Variants in C5AR1 observed in about 807,000 individuals in gnomAD.
C5AR1 encodes the protein complement C5a receptor 1, also known as C5a anaphylatoxin chemotactic receptor 1.
Under a neutral mutation model 2.4 loss-of-function variants are expected in C5AR1, and 4 were observed. That is an observed-to-expected ratio of 1.65 (90% CI 0.81 to 3.77). The LOEUF is 3.77. C5AR1 is among the 30% of genes most tolerant of loss of function. C5AR1 has a pLI of 0.01. For synonymous variants in C5AR1, 209 were observed against 210.4 expected, an observed-to-expected ratio of 0.99 and a Z score of 0.06; for missense variants, 418 against 462.5, an observed-to-expected ratio of 0.90 and a Z score of 0.88.
In C5AR1 at chr19:47,319,670, C is replaced by A. The variant is rs568020878; in HGVS notation, c.4-111C>A. On this transcript the variant is annotated intron_variant, in intron 1 of 1. Transcript: ENST00000355085. ...TCTCAGCCCTCAGCATCCCCATTTC[C>A]TAGTGAGAAAAAGCCACACAGGGGA... is the stretch of plus-strand genomic sequence containing the variant. 1.1e-5 allele frequency: 8 copies of A among 700,050 alleles called. No individual in the cohort carries two copies. The African/African-American group carries it at 1.4e-4, about 12-fold the overall frequency. 43.4% of individuals were successfully genotyped at this position (700,050 alleles called of 1,614,324 possible).
chr19:47,309,572 C>CA (rs35475766), upstream of C5AR1, among the ~76,000 whole-genome samples: 1,926 of 96,854 alleles, frequency 0.02, 47 homozygotes, highest in African/African-American at 0.051. Flanking sequence ...AAGACTCTAT[C>CA]AAAAAAAAAA....
chr19:47,311,557 G>A (rs1005522258), intron 1 of C5AR1, among the ~76,000 whole-genome samples: 1 of 151,814 alleles, frequency 6.6e-6, no homozygotes, highest in African/African-American at 2.4e-5. Flanking sequence ...CAGAGCCTCT[G>A]ACTCCTTTTC....
chr19:47,314,206 C>G (rs2059279166), intron 1 of C5AR1, among the ~76,000 whole-genome samples: 1 of 152,044 alleles, frequency 6.6e-6, no homozygotes, highest in African/African-American at 2.4e-5. Context: ...GTACCCTGCC[C>G]TTTGTGCTAT....
chr19:47,315,532 G>A (rs1487492793), intron 1 of C5AR1, among the ~76,000 whole-genome samples: 1 of 152,164 alleles, frequency 6.6e-6, no homozygotes, highest in African/African-American at 2.4e-5. Context: ...GTCAAGGATT[G>A]CTGGGAGCTT....
chr19:47,317,076 C>G (rs992492647), intron 1 of C5AR1, among the ~76,000 whole-genome samples: 1 of 150,850 alleles, frequency 6.6e-6, no homozygotes, highest in Non-Finnish European at 1.5e-5. Flanking sequence ...AATTGTAGTC[C>G]TAGCTACTCA....
At chr19:47,310,033 C>A in intron 1 of C5AR1, 135 bp downstream of exon 1, 1 of 845,204 alleles carries the variant, frequency 1.2e-6, no homozygotes, top group East Asian at 2.9e-5. Context: ...CTCTCCCTGT[C>A]TTCCACCTCC....
At chr19:47,310,386 C>T (rs755059363) in intron 1 of C5AR1, among the ~76,000 whole-genome samples, 2 of 152,048 alleles carry the variant, frequency 1.3e-5, no homozygotes, top group Non-Finnish European at 2.9e-5. Context: ...GTGAAGAAAT[C>T]TAGAACAGGC....
rs2059312365 is a variant in C5AR1 at position 47,322,005 on chromosome 19, T to G, written c.*1175T>G. On this transcript the variant is annotated 3_prime_UTR_variant, in exon 2 of 2. Coordinates refer to ENST00000355085, the MANE Select transcript of C5AR1 (RefSeq NM_001736.4). ...ATGGAATCATATAGTATGTAACCTG[T>G]TTTGAGCTTAAAAAAAAAGTATACA... 6.6e-6 allele frequency: 1 copy of G among 152,048 alleles called. No homozygotes were observed. Among genetic ancestry groups the G allele is most frequent in the South Asian group, 2.1e-4 (1 of 4,814 alleles). 9.4% of individuals were successfully genotyped at this position (152,048 alleles called of 1,614,324 possible). A position where few individuals can be genotyped will look rare whatever the true frequency, so the allele number is the denominator to read the frequency against.
intron 1 of C5AR1, among the ~76,000 whole-genome samples, chr19:47,319,201 C>A (rs1213295047): frequency 1.3e-5 from 2 of 150,806 alleles, no homozygotes; most frequent in Non-Finnish European, 3.0e-5. Context: ...TAGACTTTGA[C>A]GTTAGGCTGC....
At chr19:47,315,790 G>T (rs1422860472) in intron 1 of C5AR1, among the ~76,000 whole-genome samples, 1 of 151,930 alleles carries the variant, frequency 6.6e-6, no homozygotes, top group Non-Finnish European at 1.5e-5. Context: ...GGCAGGGGCT[G>T]TTTACCAGTG....
rs180956186 is a variant in C5AR1 at position 47,315,576 on chromosome 19, C to T, written c.4-4205C>T. Among the ~76,000 whole-genome samples the T allele has an allele frequency of 3.4e-4, 51 of 152,234 alleles. 1 individual carries two copies. The highest frequency in any genetic ancestry group is 5.9e-4 in the Non-Finnish European group (40 of 68,022). ...AGCAGAGGCAAAATTTACCTTCATG[C>T]GTCACAGCCAAAGGGAACATTCAAA... On this transcript the variant is annotated intron_variant, in intron 1 of 1. Coordinates refer to ENST00000355085, the MANE Select transcript of C5AR1 (RefSeq NM_001736.4).
At chr19:47,316,087 C>T (rs144984059) in intron 1 of C5AR1, among the ~76,000 whole-genome samples, 378 of 152,110 alleles carry the variant, frequency 2.5e-3, no homozygotes, top group Non-Finnish European at 4.7e-3. Flanking sequence ...CTCACTGCAA[C>T]CTCCACCTCC....
Position 47,320,144 on chromosome 19 carries a change from A to G in C5AR1, c.367A>G (p.Ser123Gly), listed in dbSNP as rs2059304108. The G allele has an allele frequency of 1.9e-6, 3 of 1,614,164 alleles. No homozygotes were observed. Among genetic ancestry groups the G allele is most frequent in the East Asian group, 2.2e-5 (1 of 44,882 alleles). Residue 123 changes from serine to glycine, a missense_variant, in exon 2 of 2, where the codon AGC becomes GGC. By Grantham distance (56) the Ser-to-Gly change is moderately conservative (BLOSUM62 0). Coordinates refer to ENST00000355085, the MANE Select transcript of C5AR1 (RefSeq NM_001736.4). The surrounding 1 kb of genome is among the most constrained non-coding windows in gnomAD (Gnocchi z 4.9). Reference sequence around the variant, plus strand: ...CCTCATCCTGCTCAACATGTACGCCAGCATCCTGCTCCTGGCCACCATCAG... The same window carrying G: ...CCTCATCCTGCTCAACATGTACGCCGGCATCCTGCTCCTGGCCACCATCAG... ...PSLILLNMYA[S>G]ILLLATISAD...
intron 1 of C5AR1, 122 bp downstream of exon 1, chr19:47,310,020 T>A: frequency 1.0e-6 from 1 of 986,484 alleles, no homozygotes; most frequent in Non-Finnish European, 1.5e-6. Context: ...TCCCTTTCCT[T>A]CTCTCTCCCT....
At chr19:47,315,334 G>C (rs542009203) in intron 1 of C5AR1, among the ~76,000 whole-genome samples, 2 of 152,294 alleles carry the variant, frequency 1.3e-5, no homozygotes, top group Admixed American at 1.3e-4. Context: ...GTTTGCGTCT[G>C]AAGATCCCGG....
At chr19:47,313,474 C>T (rs915823661) in intron 1 of C5AR1, among the ~76,000 whole-genome samples, 2 of 150,694 alleles carry the variant, frequency 1.3e-5, no homozygotes, top group African/African-American at 2.4e-5. Flanking sequence ...CTGGGCTGGG[C>T]GCGGTGGCTC....
chr19:47,307,920 G>A (rs561835301), upstream of C5AR1, among the ~76,000 whole-genome samples: 3 of 151,958 alleles, frequency 2.0e-5, no homozygotes, highest in East Asian at 2.0e-4. Flanking sequence ...ATTCTCATAA[G>A]AGCGTGAACC....
chr19:47,313,537 A>G (rs996910867), intron 1 of C5AR1, among the ~76,000 whole-genome samples: 2 of 151,534 alleles, frequency 1.3e-5, no homozygotes, highest in Non-Finnish European at 2.9e-5. Context: ...TCACGAGGTC[A>G]GGAGATCAAG....
rs201363451 is a variant in C5AR1, at chr19:47,320,267, G to T, written c.490G>T (p.Ala164Ser). ...WIACAVAWGL[A>S]LLLTIPSFLY... ...CGCCTGTGCCGTGGCTTGGGGTTTA[G>T]CCCTGCTGCTGACCATACCCTCCTT... is the stretch of plus-strand genomic sequence containing the variant. Residue 164 changes from alanine (A) to serine (S), a missense_variant, in exon 2 of 2, where the codon GCC becomes TCC. Coordinates refer to ENST00000355085, the MANE Select transcript of C5AR1 (RefSeq NM_001736.4). This position sits in a 1 kb window ranked among gnomAD's most constrained non-coding sequence, Gnocchi z 4.9. The T allele has an allele frequency of 1.3e-4, 213 of 1,613,452 alleles. No individual in the cohort carries two copies. Among genetic ancestry groups the T allele is most frequent in the Middle Eastern group, 9.9e-4 (6 of 6,084 alleles).
Sources: allele counts gnomAD v4.1 joint callset (sites outside exome capture counted in the v4.1 genomes callset), GRCh38; gene constraint gnomAD v4.1.1; non-coding constraint Gnocchi (gnomAD v3.1); transcripts MANE v1.5; gene names NCBI Gene and HGNC (gene_info 2026-07-23, HGNC 2026-07-21).